Variants in NRCAM observed in about 807,000 individuals in gnomAD.
NRCAM encodes the protein neuronal cell adhesion molecule.
NRCAM carries 83 observed loss-of-function variants against 156.5 expected under a neutral mutation model. The ratio of observed to expected loss-of-function variants is 0.53; its 90% CI spans 0.44 to 0.64. NRCAM has a LOEUF of 0.64. Among genes scored for constraint, NRCAM ranks in the 30% least tolerant of loss-of-function variants. The probability of loss-of-function intolerance (pLI) is 0.00; values close to 1 mark genes in which losing one functional copy is unlikely to be tolerated. For synonymous variants in NRCAM, 538 were observed against 563.9 expected (o/e 0.95, Z 0.65); for missense variants, 1,417 against 1,597.3 (o/e 0.89, Z 1.92).
chr7:108,263,179 G>A (rs2096949214), intron 3 of NRCAM, among the ~76,000 whole-genome samples: 1 of 152,198 alleles, frequency 6.6e-6, no homozygotes, highest in South Asian at 2.1e-4. Context: ...TTTCATCTCA[G>A]TCTCTAGATT....
chr7:108,423,608 C>T (rs1380332026), intron 1 of NRCAM, among the ~76,000 whole-genome samples: 4 of 152,222 alleles, frequency 2.6e-5, no homozygotes, highest in African/African-American at 9.6e-5. Context: ...GCACCTCAGT[C>T]GTTGCATAAG....
chr7:108,431,585 T>C (rs1558039), intron 1 of NRCAM, among the ~76,000 whole-genome samples: 145,035 of 152,120 alleles, frequency 0.95, 69,198 homozygotes, highest in East Asian at 1. Flanking sequence ...GAGTTCAAGG[T>C]CAGCCTAGGC....
intron 3 of NRCAM, among the ~76,000 whole-genome samples, chr7:108,241,113 A>G (rs1324899196): frequency 6.6e-6 from 1 of 152,172 alleles, no homozygotes; most frequent in Non-Finnish European, 1.5e-5. Context: ...AAGTTATTTC[A>G]CCACCACCCC....
At chr7:108,174,211 A>G (rs2059621663) in intron 28 of NRCAM, among the ~76,000 whole-genome samples, 1 of 152,244 alleles carries the variant, frequency 6.6e-6, no homozygotes, top group African/African-American at 2.4e-5. Flanking sequence ...CTAAAAACAC[A>G]AATATAATAC....
chr7:108,352,771 G>C (rs2099427943), intron 2 of NRCAM, among the ~76,000 whole-genome samples: 1 of 151,982 alleles, frequency 6.6e-6, no homozygotes, highest in African/African-American at 2.4e-5. Flanking sequence ...TCAATAGCAT[G>C]ACCCAGTTGT....
At chr7:108,357,002 G>A (rs1471194657) in intron 2 of NRCAM, among the ~76,000 whole-genome samples, 2 of 152,128 alleles carry the variant, frequency 1.3e-5, no homozygotes, top group African/African-American at 4.8e-5. Flanking sequence ...GCCATGCAAG[G>A]ATACAACTAG....
chr7:108,398,628 C>T (rs1481375057), intron 2 of NRCAM, among the ~76,000 whole-genome samples: 1 of 152,190 alleles, frequency 6.6e-6, no homozygotes, highest in Non-Finnish European at 1.5e-5. Flanking sequence ...CCCTACCCTG[C>T]TCTTTACCTA....
chr7:108,205,549 T>G (rs769595713), intron 13 of NRCAM, among the ~76,000 whole-genome samples: 1 of 152,162 alleles, frequency 6.6e-6, no homozygotes, highest in Non-Finnish European at 1.5e-5. Context: ...AGCTTCCCCA[T>G]TTTCCCTGCT....
At chr7:108,203,693 T>C (rs1297790836) in intron 13 of NRCAM, among the ~76,000 whole-genome samples, 3 of 152,148 alleles carry the variant, frequency 2.0e-5, no homozygotes, top group Admixed American at 6.5e-5. Flanking sequence ...GTCCCCTGAC[T>C]GTATCTCTGT....
chr7:108,168,314 C>T lies in NRCAM; in HGVS notation c.3276G>A (p.Glu1092=), dbSNP rs762202681. The T allele has an allele frequency of 2.7e-5, 43 of 1,607,778 alleles. No homozygotes were observed. In the South Asian group the frequency reaches 4.2e-4, roughly 16 times the overall value. ...ANISWEYEGP[E]HVNFYVEYGV... ...CATATTCAACATAAAAGTTCACATG[C>T]TCTGGTCCCTCATATTCCCAACTGA... The change falls in exon 29 of 33, where the codon GAG becomes GAA. Residue 1092 remains glutamate, a synonymous_variant. Transcript: ENST00000379028.
Position 108,224,003 on chromosome 7 carries a change from T to C in NRCAM, c.779-167A>G, listed in dbSNP as rs112943442. Among the ~76,000 whole-genome samples the C allele has an allele frequency of 8.1e-3, 1,237 of 152,302 alleles. 16 individuals carry two copies. The highest frequency in any genetic ancestry group is 0.028 in the African/African-American group (1,181 of 41,564). On this transcript the variant is annotated intron_variant, in intron 10 of 32. Transcript: ENST00000379028. ...ACATACACACTCTCTGCGTTATAAG[T>C]AGTCATCACTTACTCAGTTACCCAG...
rs144168904 is a variant in NRCAM at position 108,196,668 on chromosome 7, A to C, written c.1352-796T>G. The stretch of plus-strand genomic sequence containing the variant: ...ACACTTATTAGAATGGCTATTATCA[A>C]AAAGAGGAGATCTAAGTGTTGGCAA... On this transcript the variant is annotated intron_variant, in intron 14 of 32. Transcript: ENST00000379028. Among the ~76,000 whole-genome samples the C allele has an allele frequency of 2.0e-5, 3 of 152,338 alleles. No homozygotes were observed. The East Asian group carries it at 5.8e-4, about 29-fold the overall frequency.
At chr7:108,257,446 G>C (rs1590388647) in intron 3 of NRCAM, among the ~76,000 whole-genome samples, 1 of 152,124 alleles carries the variant, frequency 6.6e-6, no homozygotes, top group African/African-American at 2.4e-5. Context: ...TTTGCCCCGG[G>C]TAAGTGCTTT....
intron 17 of NRCAM, 81 bp from the exon 18 acceptor site, chr7:108,191,934 T>A: frequency 6.7e-7 from 1 of 1,483,334 alleles, no homozygotes; most frequent in Non-Finnish European, 9.1e-7. Context: ...GGAAAAAAAC[T>A]GTAAATTTGA....
chr7:108,393,380 ATC>A (rs2099767372), intron 2 of NRCAM, among the ~76,000 whole-genome samples: 1 of 152,080 alleles, frequency 6.6e-6, no homozygotes, highest in African/African-American at 2.4e-5. Flanking sequence ...GCCAGATATA[ATC>A]TCTGTTTATA....
At chr7:108,418,560 T>TACACACACACACAC (rs59582056) in intron 1 of NRCAM, among the ~76,000 whole-genome samples, 12 of 143,622 alleles carry the variant, frequency 8.4e-5, no homozygotes, top group African/African-American at 2.3e-4. Flanking sequence ...ATACATATTA[T>TACACACACACACAC]ACACACACAC....
At chr7:108,450,458 G>A (rs1238332283) in intron 1 of NRCAM, among the ~76,000 whole-genome samples, 1 of 152,048 alleles carries the variant, frequency 6.6e-6, no homozygotes, top group Non-Finnish European at 1.5e-5. Flanking sequence ...CTGTCATCTT[G>A]GAAGATTCAA....
intron 32 of NRCAM, among the ~76,000 whole-genome samples, chr7:108,157,706 G>A (rs1007995264): frequency 4.6e-5 from 7 of 152,114 alleles, no homozygotes; most frequent in Non-Finnish European, 8.8e-5. Context: ...GTAGGCAGCA[G>A]TTATCTGGGA....
intron 13 of NRCAM, among the ~76,000 whole-genome samples, chr7:108,200,998 G>T (rs1007637452): frequency 3.9e-5 from 6 of 152,010 alleles, no homozygotes; most frequent in African/African-American, 1.2e-4. Context: ...AGTGTGGGGG[G>T]CAGCGAGGCA....
Sources: allele counts gnomAD v4.1 joint callset (sites outside exome capture counted in the v4.1 genomes callset), GRCh38; gene constraint gnomAD v4.1.1; transcripts MANE v1.5; gene names NCBI Gene and HGNC (gene_info 2026-07-23, HGNC 2026-07-21).